The following POM121C variants were observed in gnomAD, a reference collection of about 807,000 sequenced individuals.
The protein encoded by POM121C is nuclear envelope pore membrane protein POM 121C.
In POM121C, 20 loss-of-function variants were observed where a neutral mutation model predicts 66.4. That is an observed-to-expected ratio of 0.30 (90% CI 0.21 to 0.44). The LOEUF is 0.44. Ranked by LOEUF, POM121C falls within the 20% of genes least tolerant of loss-of-function variation. POM121C has a pLI of 1.00. For synonymous variants in POM121C, 286 were observed against 528.0 expected, an observed-to-expected ratio of 0.54 and a Z score of 6.28; for missense variants, 580 against 1,225.7, an observed-to-expected ratio of 0.47 and a Z score of 7.87.
intron 5 of POM121C, among the ~76,000 whole-genome samples, chr7:75,439,871 A>G (rs1790562835): frequency 6.8e-6 from 1 of 147,504 alleles, no homozygotes; most frequent in African/African-American, 2.5e-5. Flanking sequence ...TATTTTACAA[A>G]CCACATAAGG....
intron 3 of POM121C, among the ~76,000 whole-genome samples, chr7:75,469,849 T>G (rs1791802895): frequency 6.6e-6 from 1 of 152,188 alleles, no homozygotes; most frequent in African/African-American, 2.4e-5. Flanking sequence ...GCTCTCTAAG[T>G]ATCTTATCAG....
At chr7:75,425,045 A>G in intron 10 of POM121C, 29 bp downstream of exon 10, 1 of 1,473,916 alleles carries the variant, frequency 6.8e-7, no homozygotes. Flanking sequence ...TAAGCCGGGG[A>G]GGGCAGGAGT....
At chr7:75,424,426 G>A (rs1457625388) in intron 11 of POM121C, 100 bp downstream of exon 11, 38 of 1,512,044 alleles carry the variant, frequency 2.5e-5, no homozygotes, top group Middle Eastern at 1.7e-4. Context: ...ACTCTACTTC[G>A]GATTTTCCCA....
intron 5 of POM121C, 127 bp downstream of exon 5, chr7:75,440,827 C>T: frequency 6.7e-7 from 1 of 1,501,146 alleles, no homozygotes; most frequent in East Asian, 2.3e-5. Context: ...CTCATGAAAG[C>T]CAAAGAAGGA....
rs1368993867 is a variant in POM121C at position 75,424,593 on chromosome 7, G to A, written c.804C>T (p.Ala268=). The A allele has an allele frequency of 6.2e-6, 10 of 1,613,836 alleles. No individual in the cohort carries two copies. The highest frequency in any genetic ancestry group is 4.5e-5 in the East Asian group (2 of 44,892). ...PPPQLGYSIT[A]EDLDLEKKAS... is the part of the protein sequence containing the mutation. Reference sequence around the variant, plus strand: ...CCTTCTTCTCTAAGTCTAGGTCCTCGGCAGTGATCGAATAGCCAAGCTGGG... The same window carrying A: ...CCTTCTTCTCTAAGTCTAGGTCCTCAGCAGTGATCGAATAGCCAAGCTGGG... The change falls in exon 11 of 15, where the codon GCC becomes GCT. Residue 268 remains alanine, a synonymous_variant. Transcript: ENST00000615331.
At chr7:75,454,049 G>A (rs1427770918) in intron 3 of POM121C, among the ~76,000 whole-genome samples, 3 of 152,196 alleles carry the variant, frequency 2.0e-5, no homozygotes, top group Admixed American at 1.3e-4. Context: ...TCATAGCGTC[G>A]CTTCTGTCCT....
At chr7:75,460,643 T>C (rs1168232636) in intron 3 of POM121C, among the ~76,000 whole-genome samples, 2 of 152,022 alleles carry the variant, frequency 1.3e-5, no homozygotes, top group African/African-American at 4.8e-5. Flanking sequence ...GACCAGGAAC[T>C]CCTAACAACC....
chr7:75,463,143 T>C (rs1791504029), intron 3 of POM121C, among the ~76,000 whole-genome samples: 1 of 151,930 alleles, frequency 6.6e-6, no homozygotes, highest in African/African-American at 2.4e-5. Flanking sequence ...GCCAACATAG[T>C]GAAACCCCGT....
intron 3 of POM121C, among the ~76,000 whole-genome samples, chr7:75,468,681 T>G (rs1554478214): frequency 6.6e-6 from 1 of 152,084 alleles, no homozygotes; most frequent in Non-Finnish European, 1.5e-5. Context: ...CATATGCAAC[T>G]GCCTACTTGA....
chr7:75,477,824 C>A (rs1584718291), intron 1 of POM121C, among the ~76,000 whole-genome samples: 2 of 151,546 alleles, frequency 1.3e-5, no homozygotes, highest in East Asian at 3.9e-4. Flanking sequence ...GGACTTCTGC[C>A]CTCAGGTGTG....
At chr7:75,463,468 T>A (rs1465747043) in intron 3 of POM121C, among the ~76,000 whole-genome samples, 1 of 151,160 alleles carries the variant, frequency 6.6e-6, no homozygotes, top group South Asian at 2.1e-4. Flanking sequence ...TTTTTTTTTT[T>A]TACCTTTGGC....
At chr7:75,459,851 A>G (rs1445457613) in intron 3 of POM121C, among the ~76,000 whole-genome samples, 1 of 147,750 alleles carries the variant, frequency 6.8e-6, no homozygotes, top group African/African-American at 2.5e-5. Flanking sequence ...AAAGAAGGGC[A>G]GAGGGGCCTA....
chr7:75,463,922 C>T (rs1380289002), intron 3 of POM121C, among the ~76,000 whole-genome samples: 1 of 151,048 alleles, frequency 6.6e-6, no homozygotes, highest in Non-Finnish European at 1.5e-5. Context: ...GAACTTCTGA[C>T]CTCAGGCAAT....
intron 1 of POM121C, among the ~76,000 whole-genome samples, chr7:75,475,929 G>A (rs587611297): frequency 2.3e-3 from 344 of 151,940 alleles, no homozygotes; most frequent in South Asian, 7.5e-3. Context: ...ATGAAGGGGA[G>A]GAAGAATATG....
intron 3 of POM121C, among the ~76,000 whole-genome samples, chr7:75,448,776 G>A (rs1790922200): frequency 6.7e-6 from 1 of 150,352 alleles, no homozygotes; most frequent in Admixed American, 6.6e-5. Flanking sequence ...CTCCAGCCTG[G>A]GCAACAAGAG....
At chr7:75,433,447 C>G (rs1161035191) in intron 7 of POM121C, among the ~76,000 whole-genome samples, 3 of 151,910 alleles carry the variant, frequency 2.0e-5, no homozygotes, top group Admixed American at 1.3e-4. Flanking sequence ...GCTCCGCCTC[C>G]CGGGTTCACG....
chr7:75,448,732 G>C (rs1187361729), intron 3 of POM121C, among the ~76,000 whole-genome samples: 1 of 147,076 alleles, frequency 6.8e-6, no homozygotes. Context: ...ACGGGGAGGC[G>C]GAGGTTGCAG....
At chr7:75,474,911 C>T (rs1792017960) in intron 2 of POM121C, 29 bp from the exon 3 acceptor site, 1 of 1,014,768 alleles carries the variant, frequency 9.9e-7, no homozygotes, top group Non-Finnish European at 1.5e-6. Flanking sequence ...CCATTTTTTA[C>T]CTTATCAAAG....
At position 75,417,442 on chromosome 7, in the gene POM121C, A is replaced by C. The variant is rs1789514038; in HGVS notation, c.*1354T>G. On this transcript the variant is annotated 3_prime_UTR_variant, in exon 15 of 15. Coordinates refer to ENST00000615331, the MANE Select transcript of POM121C (RefSeq NM_001099415.3). ...TACAAAAATAAATTTTTGTTAAAAA[A>C]CGTTTAAATATTTTTTTCTTTTAAT... 1 of 927,858 alleles carries C rather than the reference A, an allele frequency of 1.1e-6. No homozygotes were observed. The highest frequency in any genetic ancestry group is 6.2e-5 in the Admixed American group (1 of 16,136). The allele number at this position is 927,858 out of a possible 1,614,324, so 57.5% of individuals were successfully genotyped here.
Sources: gnomAD v4.1 joint callset for allele counts (sites outside exome capture counted in the v4.1 genomes callset) on GRCh38, gnomAD v4.1.1 for gene constraint, MANE v1.5 for transcripts, NCBI Gene and HGNC (gene_info 2026-07-23, HGNC 2026-07-21) for gene names.